FRYL: variants seen among roughly 807,000 people sequenced by gnomAD.
FRYL encodes FRY like transcription coactivator.
FRYL carries 150 observed loss-of-function variants against 351.2 expected under a neutral mutation model. That is an observed-to-expected ratio of 0.43 (90% CI 0.37 to 0.49). The LOEUF (loss-of-function observed/expected upper bound fraction) is 0.49, where lower values mean the gene tolerates loss of function less well. Ranked by LOEUF, FRYL falls within the 20% of genes least tolerant of loss-of-function variation. The probability of loss-of-function intolerance (pLI) is 0.00; values close to 1 mark genes in which losing one functional copy is unlikely to be tolerated. For synonymous variants in FRYL, 1,153 were observed against 1,257.1 expected (o/e 0.92, Z 1.75); for missense variants, 3,036 against 3,619.3 (o/e 0.84, Z 4.13).
At chr4:48,648,005 T>TA (rs1180337072) in intron 3 of FRYL, among the ~76,000 whole-genome samples, 1 of 152,206 alleles carries the variant, frequency 6.6e-6, no homozygotes, top group Non-Finnish European at 1.5e-5. Context: ...CTCCTGTACC[T>TA]AACCCAAGAC....
intron 1 of FRYL, among the ~76,000 whole-genome samples, chr4:48,767,719 G>GT (rs1775113345): frequency 6.6e-6 from 1 of 152,206 alleles, no homozygotes; most frequent in African/African-American, 2.4e-5. Context: ...TATAAGATGA[G>GT]TAAGTTCTGA....
At chr4:48,651,179 C>T (rs1331328811) in intron 3 of FRYL, among the ~76,000 whole-genome samples, 2 of 151,330 alleles carry the variant, frequency 1.3e-5, no homozygotes, top group Non-Finnish European at 2.9e-5. Flanking sequence ...TCCTCTCACA[C>T]CTCAGCCTCC....
At chr4:48,507,535 C>CAGTCAGTT (rs1721423605) in intron 59 of FRYL, among the ~76,000 whole-genome samples, 1 of 151,790 alleles carries the variant, frequency 6.6e-6, no homozygotes, top group Non-Finnish European at 1.5e-5. Flanking sequence ...CTCAAACAAA[C>CAGTCAGTT]AGTTAGTTAG....
In FRYL at chr4:48,500,140, A is replaced by G; in HGVS notation, c.8673T>C (p.Ile2891=). 4 of 1,604,540 alleles carry G rather than the reference A, an allele frequency of 2.5e-6. No individual in the cohort carries two copies. The South Asian group carries it at 4.5e-5, about 18-fold the overall frequency. ...TAGTTTGTGCAGCTTTGGAAATGTC[A>G]ATTTCTTCGTTTTCGGAAGCGGACT... ...EAESASENEE[I]DISKAAQTTI... The change falls in exon 63 of 64, where the codon ATT becomes ATC. Residue 2891 remains isoleucine (I), a synonymous_variant. Coordinates refer to ENST00000358350, the MANE Select transcript of FRYL (RefSeq NM_015030.2).
rs1458093365 is a variant in FRYL at position 48,659,915 on chromosome 4, A to AAGG, written c.-81+24755_-81+24757dup. ...GAAGGAGAAGGAGAAGGAGAAGGAG[A>AAGG]AGGAGAAGAAGAAGAAGAAGAAGAA... is the stretch of plus-strand genomic sequence containing the variant. On this transcript the variant is annotated intron_variant, in intron 3 of 63. Coordinates refer to ENST00000358350, the MANE Select transcript of FRYL (RefSeq NM_015030.2). Among the ~76,000 whole-genome samples the AAGG allele has an allele frequency of 3.2e-5, 2 of 61,616 alleles. 1 individual carries two copies. The highest frequency in any genetic ancestry group is 1.3e-4 in the African/African-American group (2 of 15,326). 40.4% of individuals were successfully genotyped at this position (61,616 alleles called of 152,430 possible).
At chr4:48,709,304 A>G (rs1399785827) in intron 2 of FRYL, among the ~76,000 whole-genome samples, 3 of 152,184 alleles carry the variant, frequency 2.0e-5, no homozygotes, top group Non-Finnish European at 4.4e-5. Context: ...GCTAACATGA[A>G]AATAATGGAT....
intron 2 of FRYL, among the ~76,000 whole-genome samples, chr4:48,696,366 C>T (rs561374544): frequency 5.4e-4 from 82 of 152,226 alleles, no homozygotes; most frequent in African/African-American, 1.9e-3. Flanking sequence ...AATGAGTTCA[C>T]GTCTTTTGTG....
rs1189956669 is a variant in FRYL at position 48,572,423 on chromosome 4, AC to A, written c.2904+762del. 1.2e-4 allele frequency among the ~76,000 whole-genome samples: 18 copies of A among 152,332 alleles called. No individual in the cohort carries two copies. In the Middle Eastern group the frequency reaches 0.017, roughly 144 times the overall value. ...CAATCACTTCCCCCATAATATAACT[AC>A]ACAGAAAAATTTGCAATTTCAAAAT... On this transcript the variant is annotated intron_variant, in intron 26 of 63. Coordinates refer to ENST00000358350, the MANE Select transcript of FRYL (RefSeq NM_015030.2).
chr4:48,518,080 G>C (rs1295851295), intron 55 of FRYL, among the ~76,000 whole-genome samples: 1 of 152,160 alleles, frequency 6.6e-6, no homozygotes, highest in African/African-American at 2.4e-5. Context: ...TTCTTTTGGT[G>C]ACAGTTTTAA....
chr4:48,537,332 T>C (rs1729101479), intron 47 of FRYL, among the ~76,000 whole-genome samples: 1 of 152,202 alleles, frequency 6.6e-6, no homozygotes. Flanking sequence ...TTTGGAATTT[T>C]TGAAATGCCA....
In FRYL at chr4:48,576,033, A is replaced by G; in HGVS notation, c.2718T>C (p.Ser906=). 3 of 1,589,196 alleles carry G rather than the reference A, an allele frequency of 1.9e-6. No individual in the cohort carries two copies. Among genetic ancestry groups the G allele is most frequent in the Non-Finnish European group, 2.6e-6 (3 of 1,170,264 alleles). ...ACAGTGGATCTGAGAAACTTACTTTAGAATCAATGCTATAGCCGCTATCTG... is the reference window on the plus strand; with the variant it reads ...ACAGTGGATCTGAGAAACTTACTTTGGAATCAATGCTATAGCCGCTATCTG... The part of the protein sequence containing the change: ...STPDSGYSID[S]KIIGIPSPSS... Residue 906 remains serine (S), a synonymous_variant, in exon 24 of 64, where the codon TCT becomes TCC. Transcript: ENST00000358350.
intron 4 of FRYL, among the ~76,000 whole-genome samples, chr4:48,625,908 A>G (rs768138230): frequency 5.1e-4 from 77 of 152,274 alleles, no homozygotes; most frequent in Non-Finnish European, 7.5e-4. Context: ...AGGAATATAT[A>G]TATCATACAT....
chr4:48,575,955 A>G, intron 24 of FRYL, 75 bp downstream of exon 24: 1 of 1,245,172 alleles, frequency 8.0e-7, no homozygotes, highest in Admixed American at 2.7e-5. Flanking sequence ...TTGTCCATAA[A>G]AAGAAATTTT....
intron 1 of FRYL, among the ~76,000 whole-genome samples, chr4:48,767,413 G>C (rs1184775691): frequency 1.3e-5 from 2 of 152,102 alleles, no homozygotes; most frequent in Admixed American, 1.3e-4. Context: ...AATTCGACAT[G>C]AGATTTGGGT....
At chr4:48,747,902 G>A (rs1257265372) in intron 1 of FRYL, among the ~76,000 whole-genome samples, 1 of 152,206 alleles carries the variant, frequency 6.6e-6, no homozygotes, top group Non-Finnish European at 1.5e-5. Context: ...AGGGTTTCAT[G>A]AAGATTAAGA....
chr4:48,654,297 T>TAAAAAAAAAAAA (rs1381048595), intron 3 of FRYL, among the ~76,000 whole-genome samples: 1 of 108,074 alleles, frequency 9.3e-6, no homozygotes, highest in South Asian at 2.9e-4. Flanking sequence ...TAATAGCTGA[T>TAAAAAAAAAAAA]CAAAAAAAAA....
intron 3 of FRYL, among the ~76,000 whole-genome samples, chr4:48,651,308 T>A (rs1456800543): frequency 1.4e-5 from 2 of 145,296 alleles, no homozygotes; most frequent in African/African-American, 5.2e-5. Context: ...TGTGTGTGTG[T>A]GTGTGTGTGT....
At chr4:48,639,909 T>C (rs192391754) in intron 3 of FRYL, among the ~76,000 whole-genome samples, 112 of 152,254 alleles carry the variant, frequency 7.4e-4, no homozygotes, top group Middle Eastern at 3.4e-3. Flanking sequence ...TATGAAAAGA[T>C]GTGCAACCTC....
intron 2 of FRYL, among the ~76,000 whole-genome samples, chr4:48,697,204 A>AT (rs1360782016): frequency 1.3e-5 from 2 of 152,098 alleles, no homozygotes; most frequent in Admixed American, 1.3e-4. Flanking sequence ...GACATTTCTT[A>AT]TAACAGCCTG....
Sources: gnomAD v4.1 joint callset for allele counts (sites outside exome capture counted in the v4.1 genomes callset) on GRCh38, gnomAD v4.1.1 for gene constraint, MANE v1.5 for transcripts, NCBI Gene and HGNC (gene_info 2026-07-23, HGNC 2026-07-21) for gene names.